The following LAMC2 variants were observed in gnomAD, a reference collection of about 807,000 sequenced individuals.
LAMC2 encodes laminin subunit gamma-2.
A neutral mutation model predicts 140.2 loss-of-function variants in LAMC2; 97 were observed. The ratio of observed to expected loss-of-function variants is 0.69; its 90% CI spans 0.59 to 0.82. The LOEUF is 0.82. LAMC2 is among the 40% of genes least tolerant of loss of function. The probability of loss-of-function intolerance (pLI) is 0.00; values close to 1 mark genes in which losing one functional copy is unlikely to be tolerated. For synonymous variants in LAMC2, 513 were observed against 540.2 expected (o/e 0.95, Z 0.70); for missense variants, 1,402 against 1,476.1 (o/e 0.95, Z 0.82).
At chr1:183,197,988 T>A (rs1315656836) in intron 1 of LAMC2, among the ~76,000 whole-genome samples, 1 of 151,832 alleles carries the variant, frequency 6.6e-6, no homozygotes, top group African/African-American at 2.4e-5. Flanking sequence ...CATCATTGTA[T>A]CCAAGGGAAG....
rs779200690 is a variant in LAMC2, at chr1:183,228,654, G to A, written c.1714+35G>A. ...CACCCCAGGCAGGCTGTGTCTGTGC[G>A]TGCCTGTGTACGTATGCACTTGCTT... On this transcript the variant is annotated intron_variant, in intron 11 of 22. Transcript: ENST00000264144. This position sits in a 1 kb window ranked among gnomAD's most constrained non-coding sequence, Gnocchi z 4.3. 1.2e-5 allele frequency: 20 copies of A among 1,612,266 alleles called. No individual in the cohort carries two copies. The highest frequency in any genetic ancestry group is 1.7e-4 in the Middle Eastern group (1 of 5,730).
At chr1:183,242,133 A>C (rs1660149448) in intron 22 of LAMC2, among the ~76,000 whole-genome samples, 1 of 152,206 alleles carries the variant, frequency 6.6e-6, no homozygotes, top group Non-Finnish European at 1.5e-5. Flanking sequence ...TTTTGCCTCC[A>C]ATGCTCGTGT....
chr1:183,255,717 G>T, the LAMC2 span, among the ~76,000 whole-genome samples: 1 of 141,460 alleles, frequency 7.1e-6, no homozygotes, highest in African/African-American at 2.6e-5. Flanking sequence ...AGGCAGGCAT[G>T]CAATGGTGTG....
chr1:183,189,855 A>G (rs568315972), intron 1 of LAMC2, among the ~76,000 whole-genome samples: 2 of 152,340 alleles, frequency 1.3e-5, no homozygotes, highest in South Asian at 4.1e-4. Context: ...GTGAGTTTTG[A>G]AGCAATTGTT....
intron 5 of LAMC2, 70 bp downstream of exon 5, chr1:183,221,031 C>T (rs1659452605): frequency 7.3e-7 from 1 of 1,377,396 alleles, no homozygotes; most frequent in Non-Finnish European, 1.0e-6. Flanking sequence ...GAGACAACCA[C>T]CTCCGCATTC....
At chr1:183,247,126 A>C (rs1241147446), downstream of LAMC2, among the ~76,000 whole-genome samples, 1 of 152,224 alleles carries the variant, frequency 6.6e-6, no homozygotes. Context: ...GCCAACTCCA[A>C]CATGGCGAAA....
rs575918658 is a variant in LAMC2 at position 183,244,453 on chromosome 1, C to T, written c.*1053C>T. The stretch of plus-strand genomic sequence containing the variant: ...CCAACATATATTTATTGAGTACCTA[C>T]TGTGTGCCAGGGGCTGGTGGGACAG... On this transcript the variant is annotated 3_prime_UTR_variant, in exon 23 of 23. Coordinates refer to ENST00000264144, the MANE Select transcript of LAMC2 (RefSeq NM_005562.3). 5.3e-4 allele frequency: 81 copies of T among 152,484 alleles called. No homozygotes were observed. Among genetic ancestry groups the T allele is most frequent in the South Asian group, 1.2e-3 (6 of 4,818 alleles). 9.4% of individuals were successfully genotyped at this position (152,484 alleles called of 1,614,324 possible). A position where few individuals can be genotyped will look rare whatever the true frequency, so the allele number is the denominator to read the frequency against.
chr1:183,230,820 C>T, intron 11 of LAMC2, 141 bp from the exon 12 acceptor site: 1 of 947,200 alleles, frequency 1.1e-6, no homozygotes, highest in Non-Finnish European at 1.7e-6. Context: ...ATTCCTAAGA[C>T]CTATCTGTAT....
rs746931316 is a variant in LAMC2, at chr1:183,239,539, G to T, written c.3045G>T (p.Leu1015=). 21 of 1,613,700 alleles carry T rather than the reference G, an allele frequency of 1.3e-5. 1 individual carries two copies. The South Asian group carries it at 2.2e-4, about 17-fold the overall frequency. Residue 1015 remains leucine, a synonymous_variant, in exon 20 of 23, where the codon CTG becomes CTT. Transcript: ENST00000264144. ...CAAAGAATGGGGCCGGGGAGGCCCTGGAAATCTCCAGTGAGATTGAACAGG... is the reference window on the plus strand; with the variant it reads ...CAAAGAATGGGGCCGGGGAGGCCCTTGAAATCTCCAGTGAGATTGAACAGG... ...QRAKNGAGEA[L]EISSEIEQEI... is the part of the protein sequence containing the mutation.
At chr1:183,232,431 T>C in intron 13 of LAMC2, 88 bp downstream of exon 13, 1 of 1,435,354 alleles carries the variant, frequency 7.0e-7, no homozygotes, top group Non-Finnish European at 9.7e-7. Flanking sequence ...CTTCTATGGA[T>C]ATCAGTTCAG....
Position 183,220,846 on chromosome 1 carries a change from T to C in LAMC2, c.525T>C (p.Asn175=), listed in dbSNP as rs780236099. 6.2e-7 allele frequency: 1 copy of C among 1,614,040 alleles called. No homozygotes were observed. Among genetic ancestry groups the C allele is most frequent in the South Asian group, 1.1e-5 (1 of 91,078 alleles). The change falls in exon 5 of 23, where the codon AAT becomes AAC. Residue 175 remains asparagine (N), a synonymous_variant. Transcript: ENST00000264144. ...GCAGGTGTCGATCAGGTTACTATAA[T>C]CTGGATGGGGGGAACCCTGAGGGCT... ...RCDRCRSGYY[N]LDGGNPEGCT... is the part of the protein sequence containing the mutation.
chr1:183,235,720 C>G lies in LAMC2; in HGVS notation c.2446C>G (p.Leu816Val), dbSNP rs747009193. ...GSPDGAVVQGLVEKLEKTKSL... is the reference protein window; with the variant it reads ...GSPDGAVVQGVVEKLEKTKSL... ...CCCGGACGGTGCTGTGGTGCAAGGG[C>G]TTGTGGAAAAGTACGTTCCTACGGG... The change falls in exon 16 of 23, where the codon CTT becomes GTT. Residue 816 changes from leucine (L) to valine (V), a missense_variant. Physicochemically the swap from Leu to Val is conservative, Grantham distance 32. Around this residue, in one of 3 missense-constraint regions of LAMC2, gnomAD observed 670 missense variants for 667.2 expected, o/e 1.00. Coordinates refer to ENST00000264144, the MANE Select transcript of LAMC2 (RefSeq NM_005562.3). 4 of 1,614,002 alleles carry G rather than the reference C, an allele frequency of 2.5e-6. No homozygotes were observed. Among genetic ancestry groups the G allele is most frequent in the Middle Eastern group, 1.6e-4 (1 of 6,072 alleles).
At chr1:183,254,555 A>C in the LAMC2 span, among the ~76,000 whole-genome samples, 4 of 152,012 alleles carry the variant, frequency 2.6e-5, no homozygotes, top group African/African-American at 4.8e-5. Flanking sequence ...CTCCTGCCTC[A>C]GCCTCTCAAG....
chr1:183,219,400 A>G (rs1391476505), intron 4 of LAMC2, among the ~76,000 whole-genome samples: 1 of 152,218 alleles, frequency 6.6e-6, no homozygotes, highest in East Asian at 1.9e-4. Flanking sequence ...AATGCCACAT[A>G]AAAGAAATGT....
At chr1:183,202,408 G>A (rs1029597453) in intron 1 of LAMC2, among the ~76,000 whole-genome samples, 1 of 152,082 alleles carries the variant, frequency 6.6e-6, no homozygotes, top group African/African-American at 2.4e-5. Flanking sequence ...GAAGGAAGGG[G>A]GAAAGGGGGC....
At chr1:183,229,134 A>G (rs573698716) in intron 11 of LAMC2, among the ~76,000 whole-genome samples, 4 of 152,328 alleles carry the variant, frequency 2.6e-5, no homozygotes, top group Admixed American at 2.0e-4. Context: ...GCTATAGTGG[A>G]GCATTCCTGA....
intron 16 of LAMC2, 141 bp from the exon 17 acceptor site, chr1:183,236,319 G>T: frequency 1.3e-6 from 1 of 758,222 alleles, no homozygotes; most frequent in Non-Finnish European, 2.1e-6. Context: ...AGCGTGGGAG[G>T]ATGAGGCTAT....
At chr1:183,223,791 G>C (rs182643241) in intron 7 of LAMC2, among the ~76,000 whole-genome samples, 1 of 152,308 alleles carries the variant, frequency 6.6e-6, no homozygotes, top group Admixed American at 6.5e-5. Context: ...CATGAAGTCG[G>C]CGATAGGAGT....
intron 1 of LAMC2, among the ~76,000 whole-genome samples, chr1:183,190,715 T>C (rs1230022555): frequency 1.3e-5 from 2 of 152,158 alleles, no homozygotes; most frequent in Non-Finnish European, 2.9e-5. Context: ...AGTAAATTAA[T>C]TACACAGATA....
Sources: gnomAD v4.1 joint callset for allele counts (sites outside exome capture counted in the v4.1 genomes callset) on GRCh38, gnomAD v4.1.1 for gene constraint, gnomAD v4.1.1 regional missense constraint, Gnocchi (gnomAD v3.1) non-coding constraint, MANE v1.5 for transcripts, NCBI Gene and HGNC (gene_info 2026-07-23, HGNC 2026-07-21) for gene names.